RAI14: variants seen among roughly 807,000 people sequenced by gnomAD.
The protein encoded by RAI14 is ankycorbin.
RAI14 carries 45 observed loss-of-function variants against 115.4 expected under a neutral mutation model. The observed-to-expected ratio is 0.39, with a 90% CI of 0.31 to 0.50. The LOEUF is 0.50. RAI14 is among the 20% of genes least tolerant of loss of function. The pLI, the probability that RAI14 is intolerant of heterozygous loss-of-function variation, is 0.85. For missense variants in RAI14, 939 were observed against 1,131.2 expected (o/e 0.83, Z 2.44); for synonymous variants, 371 against 415.4 (o/e 0.89, Z 1.30).
At chr5:34,680,643 G>A (rs965565524) in intron 1 of RAI14, among the ~76,000 whole-genome samples, 1 of 152,182 alleles carries the variant, frequency 6.6e-6, no homozygotes, top group African/African-American at 2.4e-5. Context: ...GAAAGTCTAA[G>A]AAAGGAGTCC....
At chr5:34,668,483 G>A (rs538663653) in intron 1 of RAI14, among the ~76,000 whole-genome samples, 123 of 152,044 alleles carry the variant, frequency 8.1e-4, no homozygotes, top group Admixed American at 1.8e-3. Context: ...AAGGTGCTGA[G>A]TATTTCATCT....
chr5:34,763,815 G>A (rs1207220393), intron 3 of RAI14, among the ~76,000 whole-genome samples: 1 of 152,148 alleles, frequency 6.6e-6, no homozygotes, highest in African/African-American at 2.4e-5. Context: ...ACAGGCAAAT[G>A]GGGTTCAGGT....
At chr5:34,807,474 G>C (rs930178854) in intron 5 of RAI14, among the ~76,000 whole-genome samples, 1 of 152,088 alleles carries the variant, frequency 6.6e-6, no homozygotes, top group Non-Finnish European at 1.5e-5. Context: ...CGTGAAGGGG[G>C]ACAGAAAGGG....
rs564585082 is a variant in RAI14 at position 34,791,062 on chromosome 5, A to G, written c.168-4877A>G. ...TGTATTTTCTGAGAGTCTTAATTAC[A>G]TTTTACAAATTACATGGATGGTTGG... On this transcript the variant is annotated intron_variant, in intron 3 of 17. Transcript: ENST00000265109. The surrounding 1 kb of genome is among the most constrained non-coding windows in gnomAD (Gnocchi z 5.4). 2.0e-5 allele frequency among the ~76,000 whole-genome samples: 3 copies of G among 152,252 alleles called. No homozygotes were observed. In the South Asian group the frequency reaches 6.2e-4, roughly 32 times the overall value.
intron 3 of RAI14, among the ~76,000 whole-genome samples, chr5:34,794,968 C>G (rs192671405): frequency 2.6e-5 from 4 of 152,268 alleles, no homozygotes; most frequent in Admixed American, 2.6e-4. Flanking sequence ...GGGCACATCC[C>G]TAAAACAGGA....
At chr5:34,799,505 C>CACACACACAG (rs1753944246) in intron 4 of RAI14, among the ~76,000 whole-genome samples, 1 of 57,412 alleles carries the variant, frequency 1.7e-5, no homozygotes, top group Non-Finnish European at 3.6e-5. Flanking sequence ...CACACACACA[C>CACACACACAG]ACACACACAC....
chr5:34,706,542 A>G (rs1487777184), intron 2 of RAI14, among the ~76,000 whole-genome samples: 1 of 152,234 alleles, frequency 6.6e-6, no homozygotes, highest in East Asian at 1.9e-4. Context: ...TTTGAAAATG[A>G]TACTCGAACC....
At chr5:34,822,091 CTA>C (rs1304484021) in intron 14 of RAI14, among the ~76,000 whole-genome samples, 2 of 148,476 alleles carry the variant, frequency 1.3e-5, no homozygotes, top group Admixed American at 6.7e-5. Flanking sequence ...ATTAAATATT[CTA>C]TATGTTTAAT....
At chr5:34,710,907 T>C (rs976411502) in intron 2 of RAI14, among the ~76,000 whole-genome samples, 2 of 152,222 alleles carry the variant, frequency 1.3e-5, no homozygotes, top group Non-Finnish European at 2.9e-5. Flanking sequence ...TAAAAGAACC[T>C]TATCTTTTAT....
At chr5:34,768,089 G>A (rs1254742594) in intron 3 of RAI14, among the ~76,000 whole-genome samples, 1 of 152,160 alleles carries the variant, frequency 6.6e-6, no homozygotes, top group East Asian at 1.9e-4. Flanking sequence ...GCCCGTGAGA[G>A]CAGCTGGGTG....
intron 2 of RAI14, among the ~76,000 whole-genome samples, chr5:34,753,794 G>A (rs950221664): frequency 4.6e-5 from 7 of 151,960 alleles, no homozygotes; most frequent in Middle Eastern, 3.4e-3. Flanking sequence ...TGTGCCTGTA[G>A]TCCCAGCTAC....
chr5:34,701,786 T>C (rs939606422), intron 2 of RAI14, among the ~76,000 whole-genome samples: 1 of 151,828 alleles, frequency 6.6e-6, no homozygotes, highest in Admixed American at 6.6e-5. Flanking sequence ...ATAAATCTCT[T>C]CAAACATTTT....
intron 3 of RAI14, among the ~76,000 whole-genome samples, chr5:34,760,267 T>C (rs2150100921): frequency 6.6e-6 from 1 of 152,308 alleles, no homozygotes; most frequent in East Asian, 1.9e-4. Flanking sequence ...CAGGATGGTC[T>C]CGATCTCCTG....
chr5:34,781,330 C>T (rs1751608636), intron 3 of RAI14, among the ~76,000 whole-genome samples: 1 of 151,814 alleles, frequency 6.6e-6, no homozygotes, highest in African/African-American at 2.4e-5. Context: ...ATGTAACAAA[C>T]CTTGTGCACA....
At chr5:34,744,874 A>G (rs1745969736) in intron 2 of RAI14, among the ~76,000 whole-genome samples, 1 of 152,204 alleles carries the variant, frequency 6.6e-6, no homozygotes, top group Non-Finnish European at 1.5e-5. Flanking sequence ...GGTTCTAGGG[A>G]AGAATCCTTC....
At chr5:34,755,896 A>AT (rs138222802) in intron 2 of RAI14, among the ~76,000 whole-genome samples, 12,681 of 152,240 alleles carry the variant, frequency 0.083, 683 homozygotes, top group Non-Finnish European at 0.12. Flanking sequence ...GCACAGAAAG[A>AT]TTATGGGTGA....
chr5:34,706,673 A>G (rs1740731204), intron 2 of RAI14, among the ~76,000 whole-genome samples: 1 of 152,118 alleles, frequency 6.6e-6, no homozygotes, highest in African/African-American at 2.4e-5. Context: ...CCTGATCTGT[A>G]TAGTTTATTC....
At chr5:34,720,635 C>T (rs1742585919) in intron 2 of RAI14, among the ~76,000 whole-genome samples, 1 of 152,006 alleles carries the variant, frequency 6.6e-6, no homozygotes, top group South Asian at 2.1e-4. Context: ...TGGTCTCGAT[C>T]TCCTGACTTT....
At chr5:34,753,288 A>G (rs1179342471) in intron 2 of RAI14, among the ~76,000 whole-genome samples, 1 of 152,098 alleles carries the variant, frequency 6.6e-6, no homozygotes, top group Admixed American at 6.5e-5. Flanking sequence ...AAAATTTCAA[A>G]CTTTACCTAT....
Sources: gnomAD v4.1 joint callset for allele counts (sites outside exome capture counted in the v4.1 genomes callset) on GRCh38, gnomAD v4.1.1 for gene constraint, Gnocchi (gnomAD v3.1) non-coding constraint, MANE v1.5 for transcripts, NCBI Gene and HGNC (gene_info 2026-07-23, HGNC 2026-07-21) for gene names.